HS6ST3: variants seen among roughly 807,000 people sequenced by gnomAD.
HS6ST3 encodes the protein heparan-sulfate 6-O-sulfotransferase 3.
A neutral mutation model predicts 36.7 loss-of-function variants in HS6ST3; 12 were observed. That is an observed-to-expected ratio of 0.33 (90% CI 0.21 to 0.53). HS6ST3 has a LOEUF of 0.53. Ranked by LOEUF, HS6ST3 falls within the 20% of genes least tolerant of loss-of-function variation. The pLI, the probability that HS6ST3 is intolerant of heterozygous loss-of-function variation, is 0.95. For synonymous variants in HS6ST3, 240 were observed against 257.5 expected (o/e 0.93, Z 0.65); for missense variants, 584 against 640.9 (o/e 0.91, Z 0.96).
At chr13:96,723,083 C>G in intron 1 of HS6ST3, among the ~76,000 whole-genome samples, 1 of 151,702 alleles carries the variant, frequency 6.6e-6, no homozygotes, top group East Asian at 1.9e-4. Context: ...TCATTGTATA[C>G]CCAATGTCTC....
At chr13:96,091,598 T>TGGGGC in intron 1 of HS6ST3, 29 bp downstream of exon 1, 1 of 1,488,752 alleles carries the variant, frequency 6.7e-7, no homozygotes, top group Non-Finnish European at 9.0e-7. Context: ...TCTCTGTTCT[T>TGGGGC]CCCCCCCACC....
At chr13:96,302,647 CTG>C (rs1263321538) in intron 1 of HS6ST3, among the ~76,000 whole-genome samples, 6 of 152,018 alleles carry the variant, frequency 3.9e-5, no homozygotes, top group Non-Finnish European at 2.9e-5. Context: ...GTAGCTATCT[CTG>C]TGTTGTGAGA....
chr13:96,582,714 T>G (rs946293184), intron 1 of HS6ST3, among the ~76,000 whole-genome samples: 1 of 152,136 alleles, frequency 6.6e-6, no homozygotes. Flanking sequence ...CATATAGAAA[T>G]CATTTATCTT....
intron 1 of HS6ST3, among the ~76,000 whole-genome samples, chr13:96,134,233 GA>G: frequency 6.6e-6 from 1 of 152,064 alleles, no homozygotes; most frequent in South Asian, 2.1e-4. Context: ...TAGAAAAGTT[GA>G]AACTTTTTTT....
chr13:96,722,206 A>G lies in HS6ST3; in HGVS notation c.708-110284A>G, dbSNP rs560616188. Among the ~76,000 whole-genome samples the G allele has an allele frequency of 5.9e-5, 9 of 152,334 alleles. No homozygotes were observed. The South Asian group carries it at 1.7e-3, about 28-fold the overall frequency. The stretch of plus-strand genomic sequence containing the variant: ...CTTGAATCTGGGAGGCAGAGGTTTC[A>G]GTGAGCCAACATTGTGCCACTGCAC... On this transcript the variant is annotated intron_variant, in intron 1 of 1. Coordinates refer to ENST00000376705, the MANE Select transcript of HS6ST3 (RefSeq NM_153456.4).
At chr13:96,431,874 G>T (rs1186633276) in intron 1 of HS6ST3, among the ~76,000 whole-genome samples, 4 of 152,126 alleles carry the variant, frequency 2.6e-5, no homozygotes, top group African/African-American at 9.7e-5. Flanking sequence ...TCGGTTATTT[G>T]TTTTATATAG....
intron 1 of HS6ST3, among the ~76,000 whole-genome samples, chr13:96,399,590 G>A (rs1323994757): frequency 2.0e-5 from 3 of 152,186 alleles, no homozygotes; most frequent in Non-Finnish European, 4.4e-5. Flanking sequence ...GAGTTACTTT[G>A]TACAAATATA....
chr13:96,384,258 T>G (rs1397408247), intron 1 of HS6ST3, among the ~76,000 whole-genome samples: 1 of 152,174 alleles, frequency 6.6e-6, no homozygotes, highest in Non-Finnish European at 1.5e-5. Flanking sequence ...TTTTATTATT[T>G]TATTTTATTT....
chr13:96,778,662 A>C lies in HS6ST3; in HGVS notation c.708-53828A>C, dbSNP rs1360380145. On this transcript the variant is annotated intron_variant, in intron 1 of 1. Transcript: ENST00000376705. ...TTAGAATGGTGATCATTAAAAAGTC[A>C]GGAAACAACAGACGGCGGAGAGGAT... is the stretch of plus-strand genomic sequence containing the variant. 3.3e-5 allele frequency among the ~76,000 whole-genome samples: 5 copies of C among 152,210 alleles called. 1 individual carries two copies. The East Asian group carries it at 9.6e-4, about 29-fold the overall frequency.
intron 1 of HS6ST3, among the ~76,000 whole-genome samples, chr13:96,287,552 A>G (rs747288976): frequency 6.6e-6 from 1 of 152,142 alleles, no homozygotes; most frequent in Non-Finnish European, 1.5e-5. Flanking sequence ...TTGGTGATTT[A>G]TTTAATTTTT....
chr13:96,642,098 G>A (rs77711562), intron 1 of HS6ST3, among the ~76,000 whole-genome samples: 29 of 151,672 alleles, frequency 1.9e-4, no homozygotes, highest in Admixed American at 1.5e-3. Context: ...AGTTTTGAAG[G>A]GGGGAGGGAT....
At chr13:96,284,425 C>T (rs1480533050) in intron 1 of HS6ST3, among the ~76,000 whole-genome samples, 1 of 152,168 alleles carries the variant, frequency 6.6e-6, no homozygotes, top group Non-Finnish European at 1.5e-5. Context: ...AACTTGGAGT[C>T]TGATGATGTT....
intron 1 of HS6ST3, among the ~76,000 whole-genome samples, chr13:96,225,274 A>T (rs2054474649): frequency 6.6e-6 from 1 of 152,212 alleles, no homozygotes; most frequent in Non-Finnish European, 1.5e-5. Context: ...ATGCTATGCC[A>T]TTACTATAAG....
intron 1 of HS6ST3, among the ~76,000 whole-genome samples, chr13:96,192,898 T>C (rs536993945): frequency 6.6e-6 from 1 of 152,136 alleles, no homozygotes; most frequent in Non-Finnish European, 1.5e-5. Flanking sequence ...TGGTGCAATA[T>C]AAGGACGGGT....
chr13:96,370,832 A>G (rs980810820), intron 1 of HS6ST3, among the ~76,000 whole-genome samples: 1 of 152,110 alleles, frequency 6.6e-6, no homozygotes, highest in African/African-American at 2.4e-5. Flanking sequence ...CTGGAAATGG[A>G]GGTTGCAGTG....
At chr13:96,734,380 A>G (rs1008893875) in intron 1 of HS6ST3, among the ~76,000 whole-genome samples, 6 of 152,350 alleles carry the variant, frequency 3.9e-5, no homozygotes, top group South Asian at 2.1e-4. Flanking sequence ...TGGTGAAACT[A>G]TGATTTCTCT....
At chr13:96,655,635 G>T (rs954374834) in intron 1 of HS6ST3, among the ~76,000 whole-genome samples, 3 of 151,638 alleles carry the variant, frequency 2.0e-5, no homozygotes, top group East Asian at 3.9e-4. Flanking sequence ...GATTTTTTTT[G>T]ATTGACAAAA....
At chr13:96,766,577 CATCTTT>C (rs1295561580) in intron 1 of HS6ST3, among the ~76,000 whole-genome samples, 1 of 152,164 alleles carries the variant, frequency 6.6e-6, no homozygotes, top group Non-Finnish European at 1.5e-5. Flanking sequence ...AAGTCTCTAA[CATCTTT>C]AAGGGGAATC....
chr13:96,711,370 AAT>A (rs892086429), intron 1 of HS6ST3, among the ~76,000 whole-genome samples: 2 of 152,214 alleles, frequency 1.3e-5, no homozygotes, highest in Non-Finnish European at 2.9e-5. Context: ...TAACTTCCTA[AAT>A]ATATTCATAA....
Sources: allele counts gnomAD v4.1 joint callset (sites outside exome capture counted in the v4.1 genomes callset), GRCh38; gene constraint gnomAD v4.1.1; transcripts MANE v1.5; gene names NCBI Gene and HGNC (gene_info 2026-07-23, HGNC 2026-07-21).